The following DOCK3 variants were observed in gnomAD, a reference collection of about 807,000 sequenced individuals.
DOCK3 encodes the protein dedicator of cytokinesis protein 3.
In DOCK3, 60 loss-of-function variants were observed where a neutral mutation model predicts 265.6. That is an observed-to-expected ratio of 0.23 (90% confidence interval 0.18 to 0.28). The LOEUF (loss-of-function observed/expected upper bound fraction) is 0.28. Among genes scored for constraint, DOCK3 ranks in the 10% least tolerant of loss-of-function variants. The pLI is 1.00. For synonymous variants in DOCK3, 881 were observed against 938.0 expected (o/e 0.94, Z 1.11); for missense variants, 1,981 against 2,594.3 (o/e 0.76, Z 5.14).
At chr3:51,131,291 G>C (rs897505232) in intron 9 of DOCK3, among the ~76,000 whole-genome samples, 8 of 152,028 alleles carry the variant, frequency 5.3e-5, no homozygotes, top group Non-Finnish European at 1.0e-4. Context: ...TGACATTTTG[G>C]GTCCCCTGGA....
intron 22 of DOCK3, among the ~76,000 whole-genome samples, chr3:51,249,618 C>T (rs1325655859): frequency 2.8e-5 from 3 of 108,252 alleles, no homozygotes; most frequent in Non-Finnish European, 5.9e-5. Context: ...CAGCCCCCCG[C>T]CCGGCCAGCC....
At chr3:50,778,578 G>A in intron 1 of DOCK3, 97 bp from the exon 2 acceptor site, 2 of 777,012 alleles carry the variant, frequency 2.6e-6, no homozygotes, top group Non-Finnish European at 4.3e-6. Context: ...AGAAGGGAAG[G>A]TATACATTTA....
intron 49 of DOCK3, among the ~76,000 whole-genome samples, chr3:51,371,426 C>T (rs1472767519): frequency 6.6e-6 from 1 of 152,232 alleles, no homozygotes; most frequent in Non-Finnish European, 1.5e-5. Flanking sequence ...TGTGCAGGCT[C>T]ATCTGGAGAA....
At chr3:51,070,374 A>G (rs1195759395) in intron 6 of DOCK3, among the ~76,000 whole-genome samples, 2 of 152,160 alleles carry the variant, frequency 1.3e-5, no homozygotes, top group African/African-American at 4.8e-5. Flanking sequence ...TGGAAATACC[A>G]TAGGTTCAGA....
chr3:50,690,910 G>T (rs1445035064), intron 1 of DOCK3, among the ~76,000 whole-genome samples: 1 of 151,588 alleles, frequency 6.6e-6, no homozygotes, highest in African/African-American at 2.4e-5. Flanking sequence ...CAAAGTGCTG[G>T]GATTACATGT....
chr3:51,258,722 G>A (rs1353670414), intron 22 of DOCK3, among the ~76,000 whole-genome samples: 1 of 152,104 alleles, frequency 6.6e-6, no homozygotes, highest in Non-Finnish European at 1.5e-5. Context: ...ATTCCAGGGT[G>A]TCAGTTCTGA....
At chr3:50,690,079 T>A (rs1337323789) in intron 1 of DOCK3, among the ~76,000 whole-genome samples, 3 of 152,170 alleles carry the variant, frequency 2.0e-5, no homozygotes, top group Non-Finnish European at 4.4e-5. Flanking sequence ...TATGGTTGTT[T>A]ATAATTTATT....
chr3:50,919,980 AG>A lies in DOCK3; in HGVS notation c.219-13999del, dbSNP rs551768294. ...ATGAAGCGCTGTTGAATTTTGTCAA[AG>A]GCCTTTTCTGCATCTATTGAGATAG... is the stretch of plus-strand genomic sequence containing the variant. On this transcript the variant is annotated intron_variant, in intron 4 of 52. Transcript: ENST00000266037. 1.4e-4 allele frequency among the ~76,000 whole-genome samples: 22 copies of A among 152,286 alleles called. No individual in the cohort carries two copies. The East Asian group carries it at 3.9e-3, about 27-fold the overall frequency.
intron 1 of DOCK3, among the ~76,000 whole-genome samples, chr3:50,772,544 C>G (rs1261039422): frequency 1.3e-5 from 2 of 152,178 alleles, no homozygotes; most frequent in African/African-American, 4.8e-5. Context: ...TGTATCAAAA[C>G]ATCCCGTGTA....
At chr3:51,231,449 A>G (rs1254820532) in intron 19 of DOCK3, among the ~76,000 whole-genome samples, 2 of 151,862 alleles carry the variant, frequency 1.3e-5, no homozygotes, top group Non-Finnish European at 2.9e-5. Flanking sequence ...TTTAATAGTC[A>G]CTCTGACTGT....
At chr3:51,140,368 G>C (rs2084995049) in intron 9 of DOCK3, among the ~76,000 whole-genome samples, 1 of 152,166 alleles carries the variant, frequency 6.6e-6, no homozygotes, top group Non-Finnish European at 1.5e-5. Flanking sequence ...GGTCTTATGT[G>C]ATTGGCTTCC....
chr3:51,226,650 C>A (rs2090338854), intron 15 of DOCK3, among the ~76,000 whole-genome samples: 1 of 152,188 alleles, frequency 6.6e-6, no homozygotes, highest in African/African-American at 2.4e-5. Context: ...GGAGAATGGT[C>A]AGCTGATCAC....
At chr3:50,827,839 T>G (rs1282706485) in intron 2 of DOCK3, among the ~76,000 whole-genome samples, 1 of 152,180 alleles carries the variant, frequency 6.6e-6, no homozygotes, top group Non-Finnish European at 1.5e-5. Flanking sequence ...TTATTTTCCT[T>G]GAATTAACCC....
intron 5 of DOCK3, among the ~76,000 whole-genome samples, chr3:51,023,691 G>A (rs1362414580): frequency 6.6e-6 from 1 of 152,094 alleles, no homozygotes; most frequent in Non-Finnish European, 1.5e-5. Flanking sequence ...GCTGGGATTT[G>A]GCATGAGCCA....
At chr3:50,796,326 C>G (rs1437386602) in intron 2 of DOCK3, among the ~76,000 whole-genome samples, 1 of 151,580 alleles carries the variant, frequency 6.6e-6, no homozygotes, top group African/African-American at 2.4e-5. Flanking sequence ...CCACCATGCC[C>G]AGCCATTTTT....
rs1576737140 is a variant in DOCK3 at position 51,307,331 on chromosome 3, G to A, written c.2923-2901G>A. Among the ~76,000 whole-genome samples the A allele has an allele frequency of 2.0e-5, 3 of 152,140 alleles. No individual in the cohort carries two copies. The East Asian group carries it at 5.8e-4, about 29-fold the overall frequency. ...GGGATCTTGCTATGTTTCCCAAGCTGGTTCCAAACTCCTGGCCTCAAGTGA... is the reference window on the plus strand; with the variant it reads ...GGGATCTTGCTATGTTTCCCAAGCTAGTTCCAAACTCCTGGCCTCAAGTGA... On this transcript the variant is annotated intron_variant, in intron 27 of 52. Transcript: ENST00000266037.
At chr3:51,308,830 G>A (rs1234682103) in intron 27 of DOCK3, among the ~76,000 whole-genome samples, 2 of 142,172 alleles carry the variant, frequency 1.4e-5, no homozygotes, top group Admixed American at 6.9e-5. Flanking sequence ...TCTCAGACGG[G>A]GCGGCTGCCG....
At chr3:51,202,332 G>C (rs1300835429) in intron 12 of DOCK3, among the ~76,000 whole-genome samples, 3 of 150,022 alleles carry the variant, frequency 2.0e-5, no homozygotes, top group Non-Finnish European at 4.5e-5. Context: ...ATGATAAAGG[G>C]GATATCACCA....
chr3:50,821,303 T>A lies in DOCK3; in HGVS notation c.122-20372T>A, dbSNP rs992073759. On this transcript the variant is annotated intron_variant, in intron 2 of 52. Coordinates refer to ENST00000266037, the MANE Select transcript of DOCK3 (RefSeq NM_004947.5). ...TCCTAGGTTTTCTTCTAGGATTTTT[T>A]TTTCTTTTTTTTCTGAGACTGAGTC... is the stretch of plus-strand genomic sequence containing the variant. Among the ~76,000 whole-genome samples the A allele has an allele frequency of 4.6e-5, 7 of 152,048 alleles. No individual in the cohort carries two copies. The East Asian group carries it at 7.7e-4, about 17-fold the overall frequency.
Sources: gnomAD v4.1 joint callset for allele counts (sites outside exome capture counted in the v4.1 genomes callset) on GRCh38, gnomAD v4.1.1 for gene constraint, MANE v1.5 for transcripts, NCBI Gene and HGNC (gene_info 2026-07-23, HGNC 2026-07-21) for gene names.